The following FHIT variants were observed in gnomAD, a reference collection of about 807,000 sequenced individuals.
FHIT encodes the protein bis(5'-adenosyl)-triphosphatase.
In FHIT, 19 loss-of-function variants were observed where a neutral mutation model predicts 17.9. That is an observed-to-expected ratio of 1.06 (90% CI 0.74 to 1.56). The LOEUF is 1.56. Among genes scored for constraint, FHIT ranks in the 40% most tolerant of loss-of-function variants. The pLI, the probability that FHIT is intolerant of heterozygous loss-of-function variation, is 0.00. For synonymous variants in FHIT, 81 were observed against 69.7 expected (o/e 1.16, Z -0.81); for missense variants, 248 against 189.2 (o/e 1.31, Z -1.82).
At chr3:60,108,136 C>G (rs914951266) in intron 5 of FHIT, among the ~76,000 whole-genome samples, 1 of 152,142 alleles carries the variant, frequency 6.6e-6, no homozygotes, top group African/African-American at 2.4e-5. Context: ...TTGACTTTGA[C>G]CGTATGTGTC....
rs559532006 is a variant in FHIT, at chr3:60,566,480, T to A, written c.-17-29501A>T. Among the ~76,000 whole-genome samples the A allele has an allele frequency of 1.2e-3, 186 of 152,304 alleles. 1 individual carries two copies. The highest frequency in any genetic ancestry group is 4.3e-3 in the African/African-American group (178 of 41,564). On this transcript the variant is annotated intron_variant, in intron 4 of 9. Transcript: ENST00000492590. Reference sequence around the variant, plus strand: ...ATCTCAAAATAATAAGAGCTATCTATGACCAACCAACAGCCAATATTATAC... The same window carrying A: ...ATCTCAAAATAATAAGAGCTATCTAAGACCAACCAACAGCCAATATTATAC...
At chr3:60,086,953 C>T (rs1315676847) in intron 5 of FHIT, among the ~76,000 whole-genome samples, 2 of 152,216 alleles carry the variant, frequency 1.3e-5, no homozygotes, top group African/African-American at 4.8e-5. Context: ...GTGGTGGCTG[C>T]ACCTCTGTGG....
intron 2 of FHIT, among the ~76,000 whole-genome samples, chr3:61,139,422 T>C (rs1172096928): frequency 2.0e-5 from 3 of 152,112 alleles, no homozygotes; most frequent in Non-Finnish European, 2.9e-5. Context: ...TAACCCCCAA[T>C]GTGATGGAAT....
chr3:60,556,108 G>A (rs1326361695), intron 4 of FHIT, among the ~76,000 whole-genome samples: 1 of 152,246 alleles, frequency 6.6e-6, no homozygotes, highest in African/African-American at 2.4e-5. Context: ...TTTTCTTATA[G>A]CTACTTTTGA....
intron 8 of FHIT, among the ~76,000 whole-genome samples, chr3:59,888,683 G>A (rs1703726906): frequency 6.6e-6 from 1 of 152,182 alleles, no homozygotes; most frequent in South Asian, 2.1e-4. Flanking sequence ...CTGGGTCCTA[G>A]TCTCCATACC....
At chr3:60,608,302 G>A (rs113505211) in intron 4 of FHIT, among the ~76,000 whole-genome samples, 1,898 of 152,224 alleles carry the variant, frequency 0.012, 46 homozygotes, top group African/African-American at 0.043. Flanking sequence ...ATCAGCGGGG[G>A]TAAACACAAA....
At chr3:59,942,786 C>G (rs1706591333) in intron 7 of FHIT, among the ~76,000 whole-genome samples, 1 of 152,030 alleles carries the variant, frequency 6.6e-6, no homozygotes. Context: ...AAAGCTTGGA[C>G]TACAGGCATG....
At chr3:60,088,613 CATAA>C (rs757870543) in intron 5 of FHIT, among the ~76,000 whole-genome samples, 6 of 152,086 alleles carry the variant, frequency 3.9e-5, no homozygotes, top group East Asian at 1.9e-4. Flanking sequence ...CCTTTTTTTG[CATAA>C]ATAAACACTG....
At chr3:60,966,446 C>T (rs546819951) in intron 3 of FHIT, among the ~76,000 whole-genome samples, 5 of 152,298 alleles carry the variant, frequency 3.3e-5, no homozygotes, top group South Asian at 2.1e-4. Context: ...ACCCACTGTC[C>T]GACAAGCCCC....
intron 4 of FHIT, among the ~76,000 whole-genome samples, chr3:60,598,986 TTCTA>T (rs781975880): frequency 2.0e-5 from 3 of 152,212 alleles, no homozygotes; most frequent in African/African-American, 7.2e-5. Context: ...TCTAATTTTC[TTCTA>T]TCTGTTTAGA....
At chr3:60,312,167 TG>T (rs1708979104) in intron 5 of FHIT, among the ~76,000 whole-genome samples, 1 of 151,998 alleles carries the variant, frequency 6.6e-6, no homozygotes, top group African/African-American at 2.4e-5. Context: ...TTTTTTAAGA[TG>T]GGGGTAGCCC....
At chr3:60,586,250 T>G (rs1409731779) in intron 4 of FHIT, among the ~76,000 whole-genome samples, 7 of 152,000 alleles carry the variant, frequency 4.6e-5, no homozygotes, top group African/African-American at 1.7e-4. Flanking sequence ...GTAAGCAGGG[T>G]AGGAGGACAG....
intron 4 of FHIT, among the ~76,000 whole-genome samples, chr3:60,567,775 T>C (rs1156698802): frequency 3.3e-5 from 5 of 151,446 alleles, no homozygotes; most frequent in African/African-American, 9.7e-5. Context: ...AAACAAACAG[T>C]CCCAGCAAAA....
intron 3 of FHIT, among the ~76,000 whole-genome samples, chr3:60,860,007 G>A (rs1470663912): frequency 1.1e-5 from 1 of 93,898 alleles, no homozygotes; most frequent in Non-Finnish European, 2.2e-5. Context: ...TTGTGCCATT[G>A]CACTCCAGCC....
chr3:60,174,989 A>C (rs546531433), intron 5 of FHIT, among the ~76,000 whole-genome samples: 5 of 152,344 alleles, frequency 3.3e-5, no homozygotes, highest in African/African-American at 1.2e-4. Context: ...TGTGTGAACG[A>C]AAGGATAGGG....
intron 4 of FHIT, among the ~76,000 whole-genome samples, chr3:60,610,450 G>T (rs561941318): frequency 6.6e-6 from 1 of 152,166 alleles, no homozygotes; most frequent in East Asian, 1.9e-4. Flanking sequence ...GAGTTTCTAC[G>T]CAATTCCCCA....
chr3:59,900,727 C>T (rs896970417), intron 8 of FHIT, among the ~76,000 whole-genome samples: 18 of 152,192 alleles, frequency 1.2e-4, no homozygotes, highest in African/African-American at 2.7e-4. Flanking sequence ...AATTCTCCTA[C>T]GTCAGCCTCC....
At chr3:60,417,753 A>G (rs554322258) in intron 5 of FHIT, among the ~76,000 whole-genome samples, 1 of 152,252 alleles carries the variant, frequency 6.6e-6, no homozygotes, top group South Asian at 2.1e-4. Flanking sequence ...CACAGCAAAT[A>G]CCCTGTCTCA....
At chr3:61,011,493 C>T (rs144845883) in intron 3 of FHIT, among the ~76,000 whole-genome samples, 10 of 152,210 alleles carry the variant, frequency 6.6e-5, no homozygotes, top group African/African-American at 2.2e-4. Flanking sequence ...ATCATCAACA[C>T]ACTAAATGGC....
Sources: allele counts gnomAD v4.1 joint callset (sites outside exome capture counted in the v4.1 genomes callset), GRCh38; gene constraint gnomAD v4.1.1; transcripts MANE v1.5; gene names NCBI Gene and HGNC (gene_info 2026-07-23, HGNC 2026-07-21).